The following PAPLN variants were observed in gnomAD, a reference collection of about 807,000 sequenced individuals.
PAPLN encodes the protein papilin.
A neutral mutation model predicts 159.0 loss-of-function variants in PAPLN; 146 were observed. The ratio of observed to expected loss-of-function variants is 0.92; its 90% CI spans 0.80 to 1.05. The LOEUF (loss-of-function observed/expected upper bound fraction) is 1.05. Ranked by LOEUF, PAPLN falls within the 50% of genes least tolerant of loss-of-function variation. PAPLN has a pLI of 0.00. For synonymous variants in PAPLN, 734 were observed against 702.9 expected (o/e 1.04, Z -0.70); for missense variants, 1,720 against 1,743.9 (o/e 0.99, Z 0.24).
Position 73,245,358 on chromosome 14 carries a change from C to T in PAPLN, c.171-278C>T, listed in dbSNP as rs890244861. 1 of 490,516 alleles carries T rather than the reference C, an allele frequency of 2.0e-6. No individual in the cohort carries two copies. The highest frequency in any genetic ancestry group is 2.5e-5 in the South Asian group (1 of 40,104). 30.4% of individuals were successfully genotyped at this position (490,516 alleles called of 1,614,324 possible). A position where few individuals can be genotyped will look rare whatever the true frequency, so the allele number is the denominator to read the frequency against. On this transcript the variant is annotated intron_variant, in intron 3 of 26. Transcript: ENST00000644200. The surrounding 1 kb of genome is among the most constrained non-coding windows in gnomAD (Gnocchi z 4.2). ...GGTGGGTATTATATCTCATGCACCT[C>T]GGGTCTTCTCTGGGAATCTGCCTAA...
chr14:73,268,872 T>C, intron 26 of PAPLN, 149 bp downstream of exon 26: 1 of 989,430 alleles, frequency 1.0e-6, no homozygotes, highest in Non-Finnish European at 1.4e-6. Flanking sequence ...GCAAGGGGCT[T>C]ACCTTCCTGA....
chr14:73,253,046 G>A (rs1274149973), intron 11 of PAPLN: 2 of 1,194,104 alleles, frequency 1.7e-6, no homozygotes, highest in Non-Finnish European at 2.3e-6. Context: ...AGGTTCCAGA[G>A]GTCCCTGTCT....
rs1887168468 is a variant in PAPLN, at chr14:73,265,950, T to C, written c.3263+443T>C. Among the ~76,000 whole-genome samples the C allele has an allele frequency of 6.6e-6, 1 of 152,156 alleles. No homozygotes were observed. The highest frequency in any genetic ancestry group is 1.5e-5 in the Non-Finnish European group (1 of 68,028). Reference sequence around the variant, plus strand: ...AGCTTATAAGCAGCAGAACCAGTATTTGAGCCCATTAAATGAGTATAGCAA... The same window carrying C: ...AGCTTATAAGCAGCAGAACCAGTATCTGAGCCCATTAAATGAGTATAGCAA... On this transcript the variant is annotated intron_variant, in intron 23 of 26. Coordinates refer to ENST00000644200, the MANE Select transcript of PAPLN (RefSeq NM_001365906.3). This position sits in a 1 kb window ranked among gnomAD's most constrained non-coding sequence, Gnocchi z 4.1.
chr14:73,251,605 T>G, intron 8 of PAPLN, 39 bp downstream of exon 8: 1 of 1,613,368 alleles, frequency 6.2e-7, no homozygotes, highest in Non-Finnish European at 8.5e-7. Context: ...GGTCTGGGGC[T>G]GCAGGGGGAG....
chr14:73,271,950 T>G (rs1338016787), intron 26 of PAPLN, among the ~76,000 whole-genome samples: 1 of 152,220 alleles, frequency 6.6e-6, no homozygotes, highest in East Asian at 1.9e-4. Flanking sequence ...TAATATGCAT[T>G]GCTTCCTCTG....
rs1887857680 is a variant in PAPLN at position 73,272,828 on chromosome 14, G to T, written c.*164G>T. On this transcript the variant is annotated 3_prime_UTR_variant, in exon 27 of 27. Transcript: ENST00000644200. ...CAGTGTTTAGCCTCAACGGCAGCCAGTTACCAGCTTCTCTCTGTAGCCTTC... is the reference window on the plus strand; with the variant it reads ...CAGTGTTTAGCCTCAACGGCAGCCATTTACCAGCTTCTCTCTGTAGCCTTC... 3.2e-6 allele frequency: 2 copies of T among 615,944 alleles called. No individual in the cohort carries two copies. The highest frequency in any genetic ancestry group is 4.9e-6 in the Non-Finnish European group (2 of 410,348). The allele number at this position is 615,944 out of a possible 1,614,324, so 38.2% of individuals were successfully genotyped here. A position where few individuals can be genotyped will look rare whatever the true frequency, so the allele number is the denominator to read the frequency against.
In PAPLN at chr14:73,259,013, C is replaced by T. The variant is rs1167333107; in HGVS notation, c.1662C>T (p.Ala554=). ...GCATGCAGGATGTGCACACCCCTGCCAGCAACCCCTGGATGCCGTTGGGCC... is the reference window on the plus strand; with the variant it reads ...GCATGCAGGATGTGCACACCCCTGCTAGCAACCCCTGGATGCCGTTGGGCC... ...VPSMQDVHTP[A]SNPWMPLGPQ... is the part of the protein sequence containing the mutation. Residue 554 remains alanine, a synonymous_variant, in exon 15 of 27, where the codon GCC becomes GCT. Transcript: ENST00000644200. 6.2e-7 allele frequency: 1 copy of T among 1,612,882 alleles called. No homozygotes were observed. The highest frequency in any genetic ancestry group is 8.5e-7 in the Non-Finnish European group (1 of 1,179,518).
At chr14:73,266,882 G>A (rs375611141) in intron 25 of PAPLN, 51 bp downstream of exon 25, 6 of 1,516,560 alleles carry the variant, frequency 4.0e-6, no homozygotes. Flanking sequence ...CACAACCTCA[G>A]GTGTGGGTGT....
intron 21 of PAPLN, 93 bp downstream of exon 21, chr14:73,264,428 G>C: frequency 1.3e-6 from 2 of 1,550,872 alleles, no homozygotes; most frequent in Admixed American, 1.9e-5. Flanking sequence ...CCTCACGCTA[G>C]AGGGGCCCAG....
chr14:73,253,599 C>A (rs1011672071), intron 11 of PAPLN, among the ~76,000 whole-genome samples, 155 bp from the exon 12 acceptor site: 1 of 152,090 alleles, frequency 6.6e-6, no homozygotes, highest in Non-Finnish European at 1.5e-5. Context: ...TGCTAAGGAG[C>A]GCCTGGGTCG....
rs114370488 is a variant in PAPLN at position 73,260,655 on chromosome 14, G to T, written c.1986-54G>T. ...AGCCTCAGAGCCTGGGTCCTGGGAT[G>T]CAGGGAGCGTGGGGGCAGGCTGGGC... On this transcript the variant is annotated intron_variant, in intron 16 of 26. Transcript: ENST00000644200. 5.3e-4 allele frequency: 741 copies of T among 1,393,498 alleles called. 4 individuals are homozygous for T. The African/African-American group carries it at 0.01, about 19-fold the overall frequency. The allele number at this position is 1,393,498 out of a possible 1,614,324, so 86.3% of individuals were successfully genotyped here.
Position 73,245,730 on chromosome 14 carries a change from C to A in PAPLN, c.231+34C>A. On this transcript the variant is annotated intron_variant, in intron 4 of 26. Transcript: ENST00000644200. The surrounding 1 kb of genome is among the most constrained non-coding windows in gnomAD (Gnocchi z 4.2). ...CACGGGGCGCGGGCGAAGGCACCAG[C>A]TTCCCCAGCCCCTCCTGGCCGATTT... is the stretch of plus-strand genomic sequence containing the variant. The A allele has an allele frequency of 6.5e-7, 1 of 1,535,876 alleles. No individual in the cohort carries two copies. The highest frequency in any genetic ancestry group is 8.7e-7 in the Non-Finnish European group (1 of 1,145,554).
rs191808738 is a variant in PAPLN, at chr14:73,250,793, C to T, written c.466-114C>T. On this transcript the variant is annotated intron_variant, in intron 6 of 26. Coordinates refer to ENST00000644200, the MANE Select transcript of PAPLN (RefSeq NM_001365906.3). ...CCCTGGCTGGTGGCTGAATCACTCC[C>T]GACCACCCTATCCTGCCTGGGCTGC... is the stretch of plus-strand genomic sequence containing the variant. 1.6e-4 allele frequency: 211 copies of T among 1,311,420 alleles called. 1 individual carries two copies. The Admixed American group carries it at 4.4e-3, about 27-fold the overall frequency. 81.2% of individuals were successfully genotyped at this position (1,311,420 alleles called of 1,614,324 possible).
rs995888025 is a variant in PAPLN at position 73,257,741 on chromosome 14, A to G, written c.1628-1238A>G. ...GGCTATATTTGTGTTTTCATTATCT[A>G]GTCTCTTTCTTCTTTTTTTTTTTTT... On this transcript the variant is annotated intron_variant, in intron 14 of 26. Coordinates refer to ENST00000644200, the MANE Select transcript of PAPLN (RefSeq NM_001365906.3). 4.5e-5 allele frequency among the ~76,000 whole-genome samples: 6 copies of G among 134,736 alleles called. No individual in the cohort carries two copies. The Admixed American group carries it at 4.9e-4, about 11-fold the overall frequency. 88.4% of individuals were successfully genotyped at this position (134,736 alleles called of 152,430 possible).
At chr14:73,253,985 G>A in intron 12 of PAPLN, 24 bp downstream of exon 12, 1 of 1,595,232 alleles carries the variant, frequency 6.3e-7, no homozygotes, top group South Asian at 1.1e-5. Context: ...CCCGCATGGG[G>A]CTGGTGCTGG....
Position 73,252,660 on chromosome 14 carries a change from C to T in PAPLN, c.979C>T (p.Arg327Cys), listed in dbSNP as rs750121273. The T allele has an allele frequency of 9.9e-6, 16 of 1,612,852 alleles. No homozygotes were observed. The highest frequency in any genetic ancestry group is 5.3e-5 in the African/African-American group (4 of 74,916). Reference protein sequence around the residue: ...SAECGGGHQSRLVFCTIDHEA... With the variant: ...SAECGGGHQSCLVFCTIDHEA... The stretch of plus-strand genomic sequence containing the variant: ...GGGCCTCTGCGCAGGTCACCAGTCC[C>T]GCCTGGTGTTCTGCACCATCGACCA... Residue 327 changes from arginine to cysteine, a missense_variant, in exon 11 of 27, where the codon CGC (arginine) becomes TGC (cysteine). Coordinates refer to ENST00000644200, the MANE Select transcript of PAPLN (RefSeq NM_001365906.3).
At position 73,246,198 on chromosome 14, in the gene PAPLN, C is replaced by G. The variant is rs771407780; in HGVS notation, c.334+23C>G. 4 of 1,547,324 alleles carry G rather than the reference C, an allele frequency of 2.6e-6. No individual in the cohort carries two copies. The Admixed American group carries it at 6.2e-5, about 24-fold the overall frequency. On this transcript the variant is annotated intron_variant, in intron 5 of 26. Transcript: ENST00000644200. Reference sequence around the variant, plus strand: ...GCGGTGAGCGCGGCCGGGACTCGCTCTCTCGGGGCCTCTTGTATACCTACG... The same window carrying G: ...GCGGTGAGCGCGGCCGGGACTCGCTGTCTCGGGGCCTCTTGTATACCTACG...
intron 14 of PAPLN, among the ~76,000 whole-genome samples, chr14:73,258,509 T>C (rs932401370): frequency 2.0e-5 from 3 of 150,274 alleles, no homozygotes; most frequent in Admixed American, 1.3e-4. Flanking sequence ...TCATGCTAGG[T>C]GCAGTGGCTC....
Position 73,263,713 on chromosome 14 carries a change from G to T in PAPLN, c.2792G>T (p.Cys931Phe). 1 of 1,612,366 alleles carries T rather than the reference G, an allele frequency of 6.2e-7. No homozygotes were observed. Reference protein sequence around the residue: ...AALGQLVRLSCSDDTAPESQA... With the variant: ...AALGQLVRLSFSDDTAPESQA... ...CTGGGGCAGTTGGTGCGGCTCTCCT[G>T]CTCAGACGACACTGCCCCGGAATCC... The change falls in exon 20 of 27, where the codon TGC (cysteine) becomes TTC (phenylalanine). Residue 931 changes from cysteine to phenylalanine, a missense_variant. By Grantham distance (205) the Cys-to-Phe change is radical. Transcript: ENST00000644200.
Sources: gnomAD v4.1 joint callset for allele counts (sites outside exome capture counted in the v4.1 genomes callset) on GRCh38, gnomAD v4.1.1 for gene constraint, Gnocchi (gnomAD v3.1) non-coding constraint, MANE v1.5 for transcripts, NCBI Gene and HGNC (gene_info 2026-07-23, HGNC 2026-07-21) for gene names.